Variants in DMD observed in about 807,000 individuals in gnomAD.
DMD encodes dystrophin.
A neutral mutation model predicts 330.1 loss-of-function variants in DMD; 63 were observed. The ratio of observed to expected loss-of-function variants is 0.19; its 90% CI spans 0.16 to 0.24. DMD has a LOEUF of 0.24. Ranked by LOEUF, DMD falls within the 10% of genes least tolerant of loss-of-function variation. DMD has a pLI of 1.00. For synonymous variants in DMD, 1,223 were observed against 959.8 expected (o/e 1.27, Z -5.07); for missense variants, 3,344 against 2,684.1 (o/e 1.25, Z -5.43).
intron 9 of DMD, among the ~76,000 whole-genome samples, chrX:32,654,277 G>T (rs1256102999): frequency 9.0e-6 from 1 of 111,683 alleles, no homozygotes; most frequent in Non-Finnish European, 1.9e-5. Context: ...ATATGATAGT[G>T]GCTGTGGGTT....
At chrX:31,762,288 T>C (rs1209601690) in intron 51 of DMD, among the ~76,000 whole-genome samples, 1 of 109,686 alleles carries the variant, frequency 9.1e-6, no homozygotes, top group African/African-American at 3.3e-5. Context: ...AAAAAAAGTC[T>C]TGCTGGGCAC....
At chrX:32,213,029 T>C (rs1245047173) in intron 44 of DMD, among the ~76,000 whole-genome samples, 1 of 112,154 alleles carries the variant, frequency 8.9e-6, no homozygotes, top group Non-Finnish European at 1.9e-5. Context: ...AAAAATATGA[T>C]GCAATTTGAT....
At chrX:31,638,125 C>T (rs1344086441) in intron 54 of DMD, among the ~76,000 whole-genome samples, 2 of 111,825 alleles carry the variant, frequency 1.8e-5, no homozygotes, top group African/African-American at 6.5e-5. Context: ...TATTTCAATA[C>T]TTTCTAGGTG....
At position 31,627,732 on chromosome X, in the gene DMD, G is replaced by T; in HGVS notation, c.8158C>A (p.Arg2720Ser). 1 of 1,211,111 alleles carries T rather than the reference G, an allele frequency of 8.3e-7. No individual in the cohort carries two copies. The highest frequency in any genetic ancestry group is 1.1e-6 in the Non-Finnish European group (1 of 895,286). ...TTANVLQDATRKERLLEDSKG... is the reference protein window; with the variant it reads ...TTANVLQDATSKERLLEDSKG... The stretch of plus-strand genomic sequence containing the variant: ...GAGTCTTCTAGGAGCCTTTCCTTAC[G>T]GGTAGCATCCTGTAGGACATTGGCA... The change falls in exon 55 of 79, where the codon CGT becomes AGT. Residue 2720 changes from arginine (R) to serine (S), a missense_variant. Physicochemically the swap from Arg to Ser is moderately radical, Grantham distance 110. Coordinates refer to ENST00000357033, the MANE Select transcript of DMD (RefSeq NM_004006.3).
intron 7 of DMD, among the ~76,000 whole-genome samples, chrX:32,758,816 T>C (rs1002808097): frequency 9.0e-5 from 10 of 111,656 alleles, no homozygotes; most frequent in African/African-American, 3.3e-4. Flanking sequence ...ATAGGGGCCA[T>C]GTGCTCCGCA....
rs1466252633 is a variant in DMD at position 31,373,356 on chromosome X, C to T, written c.9085-24722G>A. ...TATGGAACCAAAAAAGAGCCCGCAT[C>T]GCCAAGTCAATCCTAAGCCAAAAGA... On this transcript the variant is annotated intron_variant, in intron 60 of 78. Coordinates refer to ENST00000357033, the MANE Select transcript of DMD (RefSeq NM_004006.3). Among the ~76,000 whole-genome samples, 674 of 98,476 alleles carry T rather than the reference C, an allele frequency of 6.8e-3. 4 individuals carry two copies. The highest frequency in any genetic ancestry group is 0.022 in the African/African-American group (613 of 28,301). The allele number at this position is 98,476 out of a possible 115,157, so 85.5% of individuals were successfully genotyped here.
intron 61 of DMD, among the ~76,000 whole-genome samples, chrX:31,347,528 T>A (rs748504531): frequency 1.8e-5 from 2 of 112,297 alleles, no homozygotes; most frequent in East Asian, 5.6e-4. Context: ...TCACTTAACA[T>A]AATGACCTCC....
At chrX:32,176,566 A>G (rs1362954518) in intron 44 of DMD, among the ~76,000 whole-genome samples, 1 of 111,899 alleles carries the variant, frequency 8.9e-6, no homozygotes, top group Non-Finnish European at 1.9e-5. Flanking sequence ...ATTAAAATGT[A>G]TTCATATCAG....
chrX:32,715,685 C>A (rs2065646738), intron 7 of DMD, among the ~76,000 whole-genome samples: 1 of 108,868 alleles, frequency 9.2e-6, no homozygotes, highest in Non-Finnish European at 1.9e-5. Flanking sequence ...CTGTAAATCC[C>A]AGCTACTTGG....
intron 63 of DMD, among the ~76,000 whole-genome samples, chrX:31,257,012 T>C (rs901915692): frequency 8.2e-5 from 9 of 109,767 alleles, no homozygotes; most frequent in Non-Finnish European, 1.5e-4. Flanking sequence ...TTTTCATCAG[T>C]AAATACTTGC....
At chrX:31,164,102 TA>T (rs2039155510) in intron 74 of DMD, among the ~76,000 whole-genome samples, 1 of 111,842 alleles carries the variant, frequency 8.9e-6, no homozygotes, top group Non-Finnish European at 1.9e-5. Context: ...CTACTAAAAA[TA>T]AAAGTAATTA....
In DMD at chrX:33,218,440, G is replaced by A. The variant is rs181073260; in HGVS notation, c.7+120819C>T. Among the ~76,000 whole-genome samples, 608 of 110,130 alleles carry A rather than the reference G, an allele frequency of 5.5e-3. 4 individuals are homozygous for A. The highest frequency in any genetic ancestry group is 0.019 in the African/African-American group (580 of 30,320). The stretch of plus-strand genomic sequence containing the variant: ...TGAAAAATGTCATACTTCTTCCTTC[G>A]GGCTTTCATGGTTTCACATAAGAAA... On this transcript the variant is annotated intron_variant, in intron 1 of 17. Coordinates refer to the DMD transcript ENST00000288447.
chrX:31,927,734 T>A (rs1327662800), intron 47 of DMD, among the ~76,000 whole-genome samples: 3 of 111,619 alleles, frequency 2.7e-5, no homozygotes, highest in African/African-American at 9.8e-5. Flanking sequence ...TTATTTTAGT[T>A]CCTAAATATT....
rs147452642 is a variant in DMD at position 31,701,506 on chromosome X, G to A, written c.7661-21920C>T. On this transcript the variant is annotated intron_variant, in intron 52 of 78. Transcript: ENST00000357033. The stretch of plus-strand genomic sequence containing the variant: ...CCTCCTACCCATGCCTAATTCCCTC[G>A]CTGTACTCAATGTTCCAGTCTCTTC... Among the ~76,000 whole-genome samples the A allele has an allele frequency of 5.8e-4, 65 of 111,116 alleles. 2 individuals carry two copies. The highest frequency in any genetic ancestry group is 1.9e-3 in the African/African-American group (59 of 30,612).
At chrX:32,604,169 C>A (rs749353213) in intron 12 of DMD, among the ~76,000 whole-genome samples, 18 of 110,250 alleles carry the variant, frequency 1.6e-4, no homozygotes, top group Admixed American at 2.9e-4. Flanking sequence ...GAGCTTTATG[C>A]CAGGTAGGCA....
At chrX:32,486,243 C>A (rs967564374) in intron 20 of DMD, among the ~76,000 whole-genome samples, 1 of 111,258 alleles carries the variant, frequency 9.0e-6, no homozygotes. Flanking sequence ...ATGAAATTAC[C>A]AAAATATGTT....
intron 1 of DMD, among the ~76,000 whole-genome samples, chrX:33,038,766 G>T (rs2094247227): frequency 8.9e-6 from 1 of 111,830 alleles, no homozygotes; most frequent in Non-Finnish European, 1.9e-5. Flanking sequence ...GCTGAGGTGG[G>T]TGAATCACTT....
At chrX:32,468,412 C>T in intron 23 of DMD, 86 bp downstream of exon 23, 2 of 846,810 alleles carry the variant, frequency 2.4e-6, no homozygotes, top group East Asian at 3.4e-5. Flanking sequence ...AGGTCAAATG[C>T]TTATGTACCT....
chrX:31,160,404 G>A (rs1013065567), intron 74 of DMD, among the ~76,000 whole-genome samples: 8 of 111,291 alleles, frequency 7.2e-5, no homozygotes, highest in African/African-American at 1.3e-4. Flanking sequence ...GGCTTCCTAC[G>A]TGGGCACCTG....
Sources: allele counts gnomAD v4.1 joint callset (sites outside exome capture counted in the v4.1 genomes callset), GRCh38; gene constraint gnomAD v4.1.1; transcripts MANE v1.5; gene names NCBI Gene and HGNC (gene_info 2026-07-23, HGNC 2026-07-21).